DYRK1A: variants seen among roughly 807,000 people sequenced by gnomAD.
The protein encoded by DYRK1A is dual specificity tyrosine phosphorylation regulated kinase 1A.
In DYRK1A, 9 loss-of-function variants were observed where a neutral mutation model predicts 79.7. The ratio of observed to expected loss-of-function variants is 0.11; its 90% CI spans 0.07 to 0.20. DYRK1A has a LOEUF of 0.20. Among genes scored for constraint, DYRK1A ranks in the 10% least tolerant of loss-of-function variants. The pLI is 1.00. For synonymous variants in DYRK1A, 349 were observed against 329.7 expected (o/e 1.06, Z -0.63); for missense variants, 622 against 956.0 (o/e 0.65, Z 4.61).
chr21:37,446,336 A>G (rs929830722), intron 2 of DYRK1A, among the ~76,000 whole-genome samples: 3 of 152,238 alleles, frequency 2.0e-5, no homozygotes, highest in Non-Finnish European at 2.9e-5. Flanking sequence ...AACTAAATGC[A>G]TTACTATTAA....
At position 37,474,512 on chromosome 21, in the gene DYRK1A, C is replaced by G. The variant is rs893911201; in HGVS notation, c.207+1632C>G. Reference sequence around the variant, plus strand: ...CCCTTTCCTGTAACTAAAGTGTAGGCTGCGTATTAAGTGGCATAGTCTAGT... The same window carrying G: ...CCCTTTCCTGTAACTAAAGTGTAGGGTGCGTATTAAGTGGCATAGTCTAGT... On this transcript the variant is annotated intron_variant, in intron 3 of 11. Coordinates refer to ENST00000647188, the MANE Select transcript of DYRK1A (RefSeq NM_001347721.2). 1.0e-3 allele frequency among the ~76,000 whole-genome samples: 157 copies of G among 152,228 alleles called. 1 individual carries two copies. The highest frequency in any genetic ancestry group is 1.9e-4 in the East Asian group (1 of 5,182).
intron 2 of DYRK1A, among the ~76,000 whole-genome samples, chr21:37,427,447 T>A (rs934184922): frequency 3.3e-5 from 5 of 152,208 alleles, no homozygotes; most frequent in African/African-American, 4.8e-5. Context: ...AGTGTGCTTT[T>A]AAAATTTAAA....
At chr21:37,426,199 C>CT (rs2050612892) in intron 2 of DYRK1A, among the ~76,000 whole-genome samples, 1 of 152,070 alleles carries the variant, frequency 6.6e-6, no homozygotes, top group Admixed American at 6.5e-5. Flanking sequence ...ATTCATGAGT[C>CT]TATATTTTGG....
intron 6 of DYRK1A, chr21:37,488,111 A>G (rs1727413979): frequency 6.5e-6 from 1 of 153,190 alleles, no homozygotes; most frequent in African/African-American, 2.4e-5. Context: ...TTAAGTACTG[A>G]AAAATGTTAG....
At chr21:37,451,609 G>A (rs533717692) in intron 2 of DYRK1A, among the ~76,000 whole-genome samples, 2 of 151,494 alleles carry the variant, frequency 1.3e-5, no homozygotes, top group South Asian at 4.2e-4. Context: ...TAGCGTGGGC[G>A]TGCAGTAGGC....
At chr21:37,508,873 C>G (rs2053672731) in intron 11 of DYRK1A, among the ~76,000 whole-genome samples, 1 of 152,132 alleles carries the variant, frequency 6.6e-6, no homozygotes, top group Non-Finnish European at 1.5e-5. Flanking sequence ...ATCACTACTC[C>G]CAGGGGCTCT....
intron 1 of DYRK1A, among the ~76,000 whole-genome samples, chr21:37,374,919 A>G (rs1283952786): frequency 1.3e-5 from 2 of 152,196 alleles, no homozygotes; most frequent in Non-Finnish European, 1.5e-5. Flanking sequence ...AAACACCAAT[A>G]AAGTTCATTT....
intron 3 of DYRK1A, among the ~76,000 whole-genome samples, chr21:37,475,470 A>G (rs563318785): frequency 6.6e-6 from 1 of 152,366 alleles, no homozygotes; most frequent in African/African-American, 2.4e-5. Context: ...CTGCTTTCTA[A>G]TTCTGGATAT....
intron 2 of DYRK1A, among the ~76,000 whole-genome samples, chr21:37,450,057 A>G (rs2051396823): frequency 6.6e-6 from 1 of 152,180 alleles, no homozygotes; most frequent in African/African-American, 2.4e-5. Context: ...TGTGCAATGC[A>G]TTGCTATGTG....
chr21:37,385,991 A>G lies in DYRK1A; in HGVS notation c.-77+18363A>G, dbSNP rs2049752303. Among the ~76,000 whole-genome samples, 3 of 152,126 alleles carry G rather than the reference A, an allele frequency of 2.0e-5. No individual in the cohort carries two copies. The South Asian group carries it at 6.2e-4, about 32-fold the overall frequency. On this transcript the variant is annotated intron_variant, in intron 1 of 11. Coordinates refer to ENST00000647188, the MANE Select transcript of DYRK1A (RefSeq NM_001347721.2). ...CGTTAACATAGTTAGGGCAATCTTTATTAAGCTTGCCCTGAGCACTTTATA... is the reference window on the plus strand; with the variant it reads ...CGTTAACATAGTTAGGGCAATCTTTGTTAAGCTTGCCCTGAGCACTTTATA...
At chr21:37,458,307 T>C (rs1354306877) in intron 2 of DYRK1A, among the ~76,000 whole-genome samples, 1 of 151,410 alleles carries the variant, frequency 6.6e-6, no homozygotes, top group Non-Finnish European at 1.5e-5. Context: ...TGTGTGTGTG[T>C]ACATATACAT....
At chr21:37,402,468 A>C (rs2050070568) in intron 1 of DYRK1A, among the ~76,000 whole-genome samples, 1 of 152,180 alleles carries the variant, frequency 6.6e-6, no homozygotes, top group Admixed American at 6.5e-5. Context: ...ATGAGATGTA[A>C]GTGGTAATGA....
chr21:37,471,321 G>A (rs1376231232), intron 2 of DYRK1A, among the ~76,000 whole-genome samples: 4 of 152,214 alleles, frequency 2.6e-5, no homozygotes, highest in Non-Finnish European at 4.4e-5. Flanking sequence ...CTCGTTGACT[G>A]CGTAGGAAAT....
intron 1 of DYRK1A, among the ~76,000 whole-genome samples, chr21:37,402,220 C>G (rs2050066233): frequency 6.6e-6 from 1 of 152,108 alleles, no homozygotes; most frequent in South Asian, 2.1e-4. Context: ...TTTATGAAAA[C>G]TTTGTTTCCA....
intron 11 of DYRK1A, among the ~76,000 whole-genome samples, chr21:37,507,490 G>A (rs1347963308): frequency 6.6e-6 from 1 of 151,882 alleles, no homozygotes; most frequent in African/African-American, 2.4e-5. Flanking sequence ...TTCCACTTAG[G>A]TCCTGCCCTC....
chr21:37,414,301 A>G (rs1338045244), intron 1 of DYRK1A, among the ~76,000 whole-genome samples: 2 of 152,132 alleles, frequency 1.3e-5, no homozygotes, highest in African/African-American at 4.8e-5. Flanking sequence ...TATGGCCAAA[A>G]GCAGTGGCTT....
intron 2 of DYRK1A, among the ~76,000 whole-genome samples, chr21:37,429,978 C>G (rs1407974852): frequency 6.6e-6 from 1 of 152,132 alleles, no homozygotes; most frequent in African/African-American, 2.4e-5. Context: ...AAAATGAAAC[C>G]AGATAGCTCT....
chr21:37,417,734 A>T (rs2148423491), intron 1 of DYRK1A, among the ~76,000 whole-genome samples: 2 of 151,364 alleles, frequency 1.3e-5, no homozygotes, highest in East Asian at 3.9e-4. Context: ...TTATGCAGTG[A>T]TTTTAAGACA....
At chr21:37,389,409 G>C (rs973403874) in intron 1 of DYRK1A, among the ~76,000 whole-genome samples, 13 of 152,058 alleles carry the variant, frequency 8.5e-5, no homozygotes, top group African/African-American at 3.1e-4. Flanking sequence ...CAAGCAGTCT[G>C]CCCGCCTTGG....
Sources: allele counts gnomAD v4.1 joint callset (sites outside exome capture counted in the v4.1 genomes callset), GRCh38; gene constraint gnomAD v4.1.1; transcripts MANE v1.5; gene names NCBI Gene and HGNC (gene_info 2026-07-23, HGNC 2026-07-21).